The following PTPRO variants were observed in gnomAD, a reference collection of about 807,000 sequenced individuals.
PTPRO encodes receptor-type tyrosine-protein phosphatase O.
A neutral mutation model predicts 145.2 loss-of-function variants in PTPRO; 62 were observed. The observed-to-expected ratio is 0.43, with a 90% CI of 0.35 to 0.53. The LOEUF (loss-of-function observed/expected upper bound fraction) is 0.53. Among genes scored for constraint, PTPRO ranks in the 20% least tolerant of loss-of-function variants. The probability of loss-of-function intolerance (pLI) is 0.01; values close to 1 mark genes in which losing one functional copy is unlikely to be tolerated. For missense variants in PTPRO, 1,345 were observed against 1,482.7 expected (o/e 0.91, Z 1.53); for synonymous variants, 565 against 514.7 (o/e 1.10, Z -1.32).
chr12:15,330,241 G>A (rs1053517922), intron 1 of PTPRO, among the ~76,000 whole-genome samples: 8 of 152,152 alleles, frequency 5.3e-5, no homozygotes, highest in African/African-American at 9.7e-5. Flanking sequence ...ATTAAGAGAC[G>A]ACAAACACTG....
chr12:15,374,540 A>T (rs1043693201), intron 1 of PTPRO, among the ~76,000 whole-genome samples: 4 of 152,166 alleles, frequency 2.6e-5, no homozygotes, highest in African/African-American at 9.7e-5. Context: ...TGGAGGGGGC[A>T]GTCCAATTTT....
At chr12:15,546,219 G>A (rs1197613511) in intron 12 of PTPRO, 4 of 634,704 alleles carry the variant, frequency 6.3e-6, no homozygotes, top group East Asian at 2.1e-4. Flanking sequence ...ATTAAGTGCA[G>A]ATTTTTGTTT....
At chr12:15,438,190 G>A (rs1196649045) in intron 1 of PTPRO, among the ~76,000 whole-genome samples, 1 of 151,862 alleles carries the variant, frequency 6.6e-6, no homozygotes, top group Non-Finnish European at 1.5e-5. Flanking sequence ...ACATTATAAG[G>A]AAAGAAAGAT....
intron 15 of PTPRO, 135 bp downstream of exon 15, chr12:15,551,806 T>A (rs1943468749): frequency 1.1e-6 from 1 of 932,350 alleles, no homozygotes; most frequent in Non-Finnish European, 1.6e-6. Flanking sequence ...TTCTATTGTG[T>A]GTGTTTTCTA....
intron 1 of PTPRO, among the ~76,000 whole-genome samples, chr12:15,326,437 C>A (rs1409739798): frequency 6.6e-6 from 1 of 152,126 alleles, no homozygotes; most frequent in Non-Finnish European, 1.5e-5. Context: ...TCCTTTTGTT[C>A]TTTGTTTTGT....
At chr12:15,353,625 A>C (rs949261770) in intron 1 of PTPRO, among the ~76,000 whole-genome samples, 2 of 152,180 alleles carry the variant, frequency 1.3e-5, no homozygotes, top group Non-Finnish European at 2.9e-5. Flanking sequence ...TGTCATGATG[A>C]AGCTTTCCTG....
intron 1 of PTPRO, among the ~76,000 whole-genome samples, chr12:15,482,847 G>A (rs1406202148): frequency 6.6e-6 from 1 of 152,080 alleles, no homozygotes. Flanking sequence ...GAAGACAAAT[G>A]AACATGTGGA....
At chr12:15,589,388 A>G in intron 24 of PTPRO, 67 bp from the exon 25 acceptor site, 4 of 1,608,584 alleles carry the variant, frequency 2.5e-6, no homozygotes, top group Non-Finnish European at 3.4e-6. Context: ...AGAAAAAAAA[A>G]AAAAGAGGGG....
At chr12:15,566,721 A>G (rs143232659) in intron 18 of PTPRO, among the ~76,000 whole-genome samples, 1 of 152,122 alleles carries the variant, frequency 6.6e-6, no homozygotes, top group Non-Finnish European at 1.5e-5. Context: ...AAATTTCACT[A>G]TATTGGTCAG....
chr12:15,559,590 G>C (rs1943721828), intron 16 of PTPRO, among the ~76,000 whole-genome samples: 2 of 152,108 alleles, frequency 1.3e-5, no homozygotes. Context: ...TACTTATCTT[G>C]AATGAATGAT....
intron 1 of PTPRO, among the ~76,000 whole-genome samples, chr12:15,435,605 C>G (rs983929789): frequency 2.6e-5 from 4 of 151,012 alleles, no homozygotes; most frequent in Non-Finnish European, 4.4e-5. Flanking sequence ...TCCTCTTTAC[C>G]TGTATCAGTT....
chr12:15,486,268 T>A (rs184552374), intron 2 of PTPRO, among the ~76,000 whole-genome samples: 1 of 152,204 alleles, frequency 6.6e-6, no homozygotes, highest in African/African-American at 2.4e-5. Flanking sequence ...CTTGATAAAC[T>A]GACCCTTTTG....
At chr12:15,427,700 A>T (rs1940321441) in intron 1 of PTPRO, among the ~76,000 whole-genome samples, 2 of 151,830 alleles carry the variant, frequency 1.3e-5, no homozygotes, top group African/African-American at 4.8e-5. Flanking sequence ...AGGTCTGATA[A>T]TTTTATTATT....
At chr12:15,568,959 G>A (rs1222571680) in intron 18 of PTPRO, among the ~76,000 whole-genome samples, 1 of 152,176 alleles carries the variant, frequency 6.6e-6, no homozygotes, top group Non-Finnish European at 1.5e-5. Context: ...CAACCCTGTA[G>A]CTGTAACTAC....
chr12:15,570,230 G>C lies in PTPRO; in HGVS notation c.2829+732G>C, dbSNP rs191064717. Among the ~76,000 whole-genome samples, 8 of 151,830 alleles carry C rather than the reference G, an allele frequency of 5.3e-5. No individual in the cohort carries two copies. In the East Asian group the frequency reaches 1.5e-3, roughly 29 times the overall value. On this transcript the variant is annotated intron_variant, in intron 19 of 26. Transcript: ENST00000281171. Reference sequence around the variant, plus strand: ...TTATAGCTCATAACACAGTCTAAATGGCCCCCCATCCTTCAGGTTTCTATA... The same window carrying C: ...TTATAGCTCATAACACAGTCTAAATCGCCCCCCATCCTTCAGGTTTCTATA...
chr12:15,367,780 A>C (rs1938406560), intron 1 of PTPRO, among the ~76,000 whole-genome samples: 2 of 152,094 alleles, frequency 1.3e-5, no homozygotes, highest in South Asian at 4.1e-4. Flanking sequence ...CACACCCCAC[A>C]ATGCCCACCC....
chr12:15,336,410 T>A (rs1422604943), intron 1 of PTPRO, among the ~76,000 whole-genome samples: 4 of 152,204 alleles, frequency 2.6e-5, no homozygotes, highest in African/African-American at 9.6e-5. Context: ...AAGACGTAGA[T>A]GATCATAGAT....
At chr12:15,419,939 A>G (rs1233413958) in intron 1 of PTPRO, among the ~76,000 whole-genome samples, 4 of 151,006 alleles carry the variant, frequency 2.6e-5, no homozygotes, top group African/African-American at 9.8e-5. Context: ...CGAGGTCAGG[A>G]GATCGAGACA....
chr12:15,514,181 T>C (rs980260696), intron 7 of PTPRO, among the ~76,000 whole-genome samples: 1 of 152,172 alleles, frequency 6.6e-6, no homozygotes, highest in Non-Finnish European at 1.5e-5. Flanking sequence ...CCAAGTGTGG[T>C]GGCTCATGCC....
Sources: gnomAD v4.1 joint callset for allele counts (sites outside exome capture counted in the v4.1 genomes callset) on GRCh38, gnomAD v4.1.1 for gene constraint, MANE v1.5 for transcripts, NCBI Gene and HGNC (gene_info 2026-07-23, HGNC 2026-07-21) for gene names.